Variants in MMP2 observed in about 807,000 individuals in gnomAD.
MMP2 encodes matrix metallopeptidase 2.
A neutral mutation model predicts 74.8 loss-of-function variants in MMP2; 39 were observed. The observed-to-expected ratio is 0.52, with a 90% CI of 0.40 to 0.68. The LOEUF (loss-of-function observed/expected upper bound fraction) is 0.68, where lower values mean the gene tolerates loss of function less well. Among genes scored for constraint, MMP2 ranks in the 30% least tolerant of loss-of-function variants. The pLI is 0.00. For missense variants in MMP2, 803 were observed against 878.3 expected, an observed-to-expected ratio of 0.91 and a Z score of 1.08; for synonymous variants, 367 against 339.8, an observed-to-expected ratio of 1.08 and a Z score of -0.88.
chr16:55,487,701 G>A (rs1026758458), intron 5 of MMP2: 6 of 152,452 alleles, frequency 3.9e-5, no homozygotes, highest in African/African-American at 1.2e-4. Flanking sequence ...TTTTAGCTTT[G>A]GGTGGATGAG....
chr16:55,500,538 C>CACAG (rs1227112652), intron 11 of MMP2, among the ~76,000 whole-genome samples: 87 of 147,742 alleles, frequency 5.9e-4, no homozygotes, highest in African/African-American at 2.0e-3. Context: ...CACACACACA[C>CACAG]AGGCATGGAG....
In MMP2 at chr16:55,479,516, C is replaced by T. The variant is rs780763772; in HGVS notation, c.37C>T (p.Pro13Ser). Residue 13 changes from proline (P) to serine (S), a missense_variant, in exon 1 of 13, where the codon CCC becomes TCC. Physicochemically the swap from Pro to Ser is moderately conservative, Grantham distance 74. Around this residue, in one of 3 missense-constraint regions of MMP2, gnomAD observed 223 missense variants for 232.8 expected, o/e 0.96. Coordinates refer to ENST00000219070, the MANE Select transcript of MMP2 (RefSeq NM_004530.6). ...ALMARGALTG[P>S]LRALCLLGCL... The stretch of plus-strand genomic sequence containing the variant: ...AATGGCCCGGGGCGCGCTCACGGGT[C>T]CCCTGAGGGCGCTCTGTCTCCTGGG... The T allele has an allele frequency of 4.1e-5, 65 of 1,602,458 alleles. No homozygotes were observed. In the African/African-American group the frequency reaches 8.3e-4, roughly 20 times the overall value.
At chr16:55,484,218 G>T in intron 3 of MMP2, 54 bp downstream of exon 3, 1 of 1,589,992 alleles carries the variant, frequency 6.3e-7, no homozygotes, top group Non-Finnish European at 8.6e-7. Context: ...GTTGAGACGA[G>T]GGGGTGAGAT....
At chr16:55,484,246 G>A in intron 3 of MMP2, 82 bp downstream of exon 3, 1 of 1,519,372 alleles carries the variant, frequency 6.6e-7, no homozygotes, top group Non-Finnish European at 8.9e-7. Context: ...AGAGGGGCGT[G>A]GGGATCCTAA....
chr16:55,481,954 A>T lies in MMP2; in HGVS notation c.154-955A>T, dbSNP rs1962116569. 15 of 639,964 alleles carry T rather than the reference A, an allele frequency of 2.3e-5. 1 individual carries two copies. The Middle Eastern group carries it at 1.8e-3, about 79-fold the overall frequency. The allele number at this position is 639,964 out of a possible 1,614,324, so 39.6% of individuals were successfully genotyped here. ...TTATGTCCTCCATTTCCCCTTTCCT[A>T]ACTACTTCCAACAAGGCTAGGACCG... On this transcript the variant is annotated intron_variant, in intron 1 of 12. Transcript: ENST00000219070.
rs192264226 is a variant in MMP2, at chr16:55,488,049, G to A, written c.833-494G>A. The A allele has an allele frequency of 3.5e-4, 75 of 212,050 alleles. No homozygotes were observed. The Admixed American group carries it at 3.7e-3, about 11-fold the overall frequency. 13.1% of individuals were successfully genotyped at this position (212,050 alleles called of 1,614,324 possible). ...AGATTAGTGTGTTTTGTAGTTTTTA[G>A]TTACAACCTTCATTCACTTCTTTCA... On this transcript the variant is annotated intron_variant, in intron 5 of 12. Coordinates refer to ENST00000219070, the MANE Select transcript of MMP2 (RefSeq NM_004530.6).
chr16:55,500,231 G>GCA (rs1171112062), intron 11 of MMP2, among the ~76,000 whole-genome samples: 1 of 151,576 alleles, frequency 6.6e-6, no homozygotes, highest in Non-Finnish European at 1.5e-5. Context: ...CAGTGTGCAC[G>GCA]CACACGCACA....
intron 1 of MMP2, among the ~76,000 whole-genome samples, chr16:55,480,926 G>C (rs1170253800): frequency 6.6e-6 from 1 of 152,108 alleles, no homozygotes. Flanking sequence ...GTTGGGTGGG[G>C]GTGAGAGTGG....
intron 11 of MMP2, among the ~76,000 whole-genome samples, chr16:55,500,538 C>CACACACACACACACACACAG (rs1227112652): frequency 4.3e-4 from 63 of 147,724 alleles, no homozygotes; most frequent in African/African-American, 1.5e-3. Flanking sequence ...CACACACACA[C>CACACACACACACACACACAG]AGGCATGGAG....
chr16:55,483,950 C>T, intron 2 of MMP2, 66 bp from the exon 3 acceptor site: 1 of 1,538,806 alleles, frequency 6.5e-7, no homozygotes, highest in South Asian at 1.1e-5. Flanking sequence ...TGCACACACA[C>T]ATACTTGCAT....
chr16:55,493,206 G>T lies in MMP2; in HGVS notation c.1385G>T (p.Gly462Val). ...GGCACCGGCCCCACCCCCACGCTGG[G>T]CCCTGTCACTCCTGAGATCTGCAAA... is the stretch of plus-strand genomic sequence containing the variant. The part of the protein sequence containing the change: ...DLGTGPTPTL[G>V]PVTPEICKQD... Residue 462 changes from glycine (G) to valine (V), a missense_variant, in exon 9 of 13, where the codon GGC becomes GTC. Physicochemically the swap from Gly to Val is moderately radical, Grantham distance 109 (BLOSUM62 -3). Around this residue, in one of 3 missense-constraint regions of MMP2, gnomAD observed 555 missense variants for 592.0 expected, o/e 0.94. Transcript: ENST00000219070. The T allele has an allele frequency of 6.2e-7, 1 of 1,614,084 alleles. No homozygotes were observed. The highest frequency in any genetic ancestry group is 8.5e-7 in the Non-Finnish European group (1 of 1,180,018).
At chr16:55,503,670 T>C (rs1162722474) in intron 12 of MMP2, among the ~76,000 whole-genome samples, 4 of 152,160 alleles carry the variant, frequency 2.6e-5, no homozygotes, top group Non-Finnish European at 5.9e-5. Context: ...AGCATATTAA[T>C]AGTAAATGAG....
At position 55,489,798 on chromosome 16, in the gene MMP2, G is replaced by T. The variant is rs371828436; in HGVS notation, c.1154G>T (p.Arg385Leu). 1.9e-6 allele frequency: 3 copies of T among 1,613,996 alleles called. No homozygotes were observed. The highest frequency in any genetic ancestry group is 1.6e-4 in the Middle Eastern group (1 of 6,084). ...CATTANYDDD[R>L]KWGFCPDQGY... is the part of the protein sequence containing the mutation. Reference sequence around the variant, plus strand: ...ACCACAGCCAACTACGATGATGACCGCAAGTGGGGCTTCTGCCCTGACCAA... The same window carrying T: ...ACCACAGCCAACTACGATGATGACCTCAAGTGGGGCTTCTGCCCTGACCAA... Residue 385 changes from arginine (R) to leucine (L), a missense_variant, in exon 7 of 13, where the codon CGC becomes CTC. Arg to Leu is a moderately radical substitution (Grantham distance 102). Transcript: ENST00000219070.
At chr16:55,495,401 T>C (rs1185930720) in intron 9 of MMP2, among the ~76,000 whole-genome samples, 1 of 152,090 alleles carries the variant, frequency 6.6e-6, no homozygotes, top group Admixed American at 6.6e-5. Flanking sequence ...GTTTAATGGG[T>C]TTATTTGATT....
In MMP2 at chr16:55,479,780, A is replaced by G. The variant is rs1461664340; in HGVS notation, c.153+148A>G. 4.0e-6 allele frequency: 4 copies of G among 989,004 alleles called. No homozygotes were observed. In the African/African-American group the frequency reaches 4.8e-5, roughly 12 times the overall value. The allele number at this position is 989,004 out of a possible 1,614,324, so 61.3% of individuals were successfully genotyped here. A position where few individuals can be genotyped will look rare whatever the true frequency, so the allele number is the denominator to read the frequency against. On this transcript the variant is annotated intron_variant, in intron 1 of 12. Transcript: ENST00000219070. ...CAGCTTGGGGGGTCTTTGGCAAGCT[A>G]TTGGAGTGATCTCTTGCAAACGGTG...
intron 2 of MMP2, 125 bp from the exon 3 acceptor site, chr16:55,483,891 A>G: frequency 1.0e-6 from 1 of 976,644 alleles, no homozygotes; most frequent in East Asian, 2.4e-5. Flanking sequence ...TTGTGCATAT[A>G]CTTGTATGTT....
At chr16:55,499,248 A>C (rs1247756997) in intron 11 of MMP2, among the ~76,000 whole-genome samples, 1 of 152,046 alleles carries the variant, frequency 6.6e-6, no homozygotes, top group Non-Finnish European at 1.5e-5. Flanking sequence ...TTGGGATTTG[A>C]ACCCTGGCAT....
intron 9 of MMP2, 98 bp downstream of exon 9, chr16:55,493,391 A>G (rs2142361597): frequency 6.6e-7 from 1 of 1,509,220 alleles, no homozygotes; most frequent in South Asian, 1.1e-5. Context: ...ACTCCGCCAA[A>G]TGCTTCCCAG....
intron 11 of MMP2, among the ~76,000 whole-genome samples, chr16:55,498,809 G>A (rs1274788630): frequency 1.3e-5 from 2 of 152,200 alleles, no homozygotes; most frequent in African/African-American, 2.4e-5. Flanking sequence ...TGTCCCAAGG[G>A]TTCTATGGGA....
Sources: gnomAD v4.1 joint callset for allele counts (sites outside exome capture counted in the v4.1 genomes callset) on GRCh38, gnomAD v4.1.1 for gene constraint, gnomAD v4.1.1 regional missense constraint, MANE v1.5 for transcripts, NCBI Gene and HGNC (gene_info 2026-07-23, HGNC 2026-07-21) for gene names.